The following MAP2K1 variants were observed in gnomAD, a reference collection of about 807,000 sequenced individuals.
MAP2K1 encodes dual specificity mitogen-activated protein kinase kinase 1.
MAP2K1 carries 16 observed loss-of-function variants against 46.3 expected under a neutral mutation model. The ratio of observed to expected loss-of-function variants is 0.35; its 90% CI spans 0.23 to 0.52. The LOEUF (loss-of-function observed/expected upper bound fraction) is 0.52, where lower values mean the gene tolerates loss of function less well. Among genes scored for constraint, MAP2K1 ranks in the 20% least tolerant of loss-of-function variants. The pLI is 0.94. For synonymous variants in MAP2K1, 183 were observed against 185.6 expected (o/e 0.99, Z 0.11); for missense variants, 263 against 497.1 (o/e 0.53, Z 4.48).
At chr15:66,486,070 T>C (rs1368044506) in intron 7 of MAP2K1, among the ~76,000 whole-genome samples, 1 of 151,982 alleles carries the variant, frequency 6.6e-6, no homozygotes, top group Non-Finnish European at 1.5e-5. Flanking sequence ...GACTAATTTT[T>C]TTAATTTTTT....
At chr15:66,394,459 C>CTTTT (rs34599278) in intron 1 of MAP2K1, among the ~76,000 whole-genome samples, 58 of 125,474 alleles carry the variant, frequency 4.6e-4, no homozygotes, top group Non-Finnish European at 7.3e-4. Flanking sequence ...TAACCAGGAA[C>CTTTT]TTTTTTTTTT....
intron 5 of MAP2K1, among the ~76,000 whole-genome samples, chr15:66,454,289 GT>G (rs1892108855): frequency 6.7e-6 from 1 of 148,552 alleles, no homozygotes; most frequent in Non-Finnish European, 1.5e-5. Flanking sequence ...ATGGTGGCCC[GT>G]TTTTTTCCAC....
intron 5 of MAP2K1, among the ~76,000 whole-genome samples, chr15:66,463,692 C>G (rs946907528): frequency 1.3e-5 from 2 of 152,264 alleles, no homozygotes; most frequent in Non-Finnish European, 2.9e-5. Flanking sequence ...CCATGTTAGC[C>G]AGGCTGGCTT....
intron 1 of MAP2K1, among the ~76,000 whole-genome samples, chr15:66,427,263 A>C (rs2093461566): frequency 6.6e-6 from 1 of 152,154 alleles, no homozygotes; most frequent in Non-Finnish European, 1.5e-5. Flanking sequence ...AATTAGTTAA[A>C]AAGAATAACA....
intron 5 of MAP2K1, among the ~76,000 whole-genome samples, chr15:66,480,268 T>C (rs1892882368): frequency 6.6e-6 from 1 of 152,024 alleles, no homozygotes; most frequent in African/African-American, 2.4e-5. Context: ...TTTGTATTTT[T>C]AGTAGAGATG....
At chr15:66,480,683 A>AT (rs1408451897) in intron 5 of MAP2K1, among the ~76,000 whole-genome samples, 1 of 151,952 alleles carries the variant, frequency 6.6e-6, no homozygotes, top group Non-Finnish European at 1.5e-5. Flanking sequence ...TTTTTCTGTG[A>AT]TTTTCTAGAT....
intron 5 of MAP2K1, among the ~76,000 whole-genome samples, chr15:66,456,173 G>C (rs954682179): frequency 6.6e-6 from 1 of 152,156 alleles, no homozygotes; most frequent in African/African-American, 2.4e-5. Flanking sequence ...TTACTCGTTA[G>C]GCATAAAGTT....
chr15:66,490,711 A>C lies in MAP2K1; in HGVS notation c.*96A>C. On this transcript the variant is annotated 3_prime_UTR_variant, in exon 11 of 11. Transcript: ENST00000307102. Reference sequence around the variant, plus strand: ...CATGCCTGTCTCTGTTCAGATGTGCATTTCACCTGTGACAAAGGATGAAGA... The same window carrying C: ...CATGCCTGTCTCTGTTCAGATGTGCCTTTCACCTGTGACAAAGGATGAAGA... 1 of 855,094 alleles carries C rather than the reference A, an allele frequency of 1.2e-6. No homozygotes were observed. Among genetic ancestry groups the C allele is most frequent in the Non-Finnish European group, 2.0e-6 (1 of 495,584 alleles). 53.0% of individuals were successfully genotyped at this position (855,094 alleles called of 1,614,324 possible). A position where few individuals can be genotyped will look rare whatever the true frequency, so the allele number is the denominator to read the frequency against.
At chr15:66,436,943 G>T (rs765115125) in intron 3 of MAP2K1, 51 bp downstream of exon 3, 3 of 1,605,076 alleles carry the variant, frequency 1.9e-6, no homozygotes, top group Non-Finnish European at 2.6e-6. Context: ...GAGTTGGGTG[G>T]CTCTGGCCTA....
chr15:66,416,437 C>A (rs74245473), intron 1 of MAP2K1, among the ~76,000 whole-genome samples: 14,698 of 151,832 alleles, frequency 0.097, 719 homozygotes, highest in African/African-American at 0.12. Flanking sequence ...ATAGCCTAGC[C>A]TCTAGTATAC....
intron 1 of MAP2K1, among the ~76,000 whole-genome samples, chr15:66,403,903 T>C (rs746404022): frequency 3.3e-5 from 5 of 152,162 alleles, no homozygotes; most frequent in Admixed American, 6.5e-5. Context: ...AATGTCCTTA[T>C]GTCGGGGAGG....
At chr15:66,443,153 C>A in intron 3 of MAP2K1, 127 bp from the exon 4 acceptor site, 1 of 466,376 alleles carries the variant, frequency 2.1e-6, no homozygotes, top group Non-Finnish European at 4.1e-6. Flanking sequence ...GTGGTGTGAT[C>A]TCGGCTCACT....
At chr15:66,468,177 T>A (rs536172623) in intron 5 of MAP2K1, among the ~76,000 whole-genome samples, 1 of 152,354 alleles carries the variant, frequency 6.6e-6, no homozygotes, top group Admixed American at 6.5e-5. Flanking sequence ...TTTTATATTT[T>A]TTAGTAGTAA....
chr15:66,432,860 T>C (rs1479160944), intron 1 of MAP2K1, among the ~76,000 whole-genome samples: 1 of 152,130 alleles, frequency 6.6e-6, no homozygotes, highest in African/African-American at 2.4e-5. Flanking sequence ...GTGGATTAAA[T>C]GACTTAATAA....
intron 1 of MAP2K1, among the ~76,000 whole-genome samples, chr15:66,416,347 C>A (rs1465052463): frequency 6.6e-6 from 1 of 151,818 alleles, no homozygotes; most frequent in Non-Finnish European, 1.5e-5. Context: ...CACCCCCCTA[C>A]AATCCCCCCC....
At chr15:66,470,102 T>C (rs1348068095) in intron 5 of MAP2K1, among the ~76,000 whole-genome samples, 1 of 139,666 alleles carries the variant, frequency 7.2e-6, no homozygotes, top group Non-Finnish European at 1.5e-5. Context: ...TTGTTTTTTT[T>C]TTTTTTTTTT....
intron 5 of MAP2K1, among the ~76,000 whole-genome samples, chr15:66,463,904 A>G (rs992141471): frequency 2.0e-5 from 3 of 152,214 alleles, no homozygotes; most frequent in African/African-American, 7.2e-5. Context: ...TTCAGGTCAC[A>G]GGTAGGTGAG....
chr15:66,390,464 T>G (rs980745279), intron 1 of MAP2K1, among the ~76,000 whole-genome samples: 4 of 152,152 alleles, frequency 2.6e-5, no homozygotes, highest in Non-Finnish European at 5.9e-5. Flanking sequence ...TGGTACCAAA[T>G]TGGCAAGGTT....
chr15:66,414,224 C>T (rs1352498721), intron 1 of MAP2K1, among the ~76,000 whole-genome samples: 1 of 118,536 alleles, frequency 8.4e-6, no homozygotes, highest in African/African-American at 2.8e-5. Context: ...ATAGGTTAAA[C>T]ACACAGTCCT....
Sources: allele counts gnomAD v4.1 joint callset (sites outside exome capture counted in the v4.1 genomes callset), GRCh38; gene constraint gnomAD v4.1.1; transcripts MANE v1.5; gene names NCBI Gene and HGNC (gene_info 2026-07-23, HGNC 2026-07-21).